Variants in THADA observed in about 807,000 individuals in gnomAD.
THADA encodes the protein THADA armadillo repeat containing, also known as tRNA (32-2'-O)-methyltransferase regulator THADA.
THADA carries 213 observed loss-of-function variants against 219.8 expected under a neutral mutation model. That is an observed-to-expected ratio of 0.97 (90% confidence interval 0.87 to 1.09). THADA has a LOEUF of 1.09. THADA is among the 50% of genes least tolerant of loss of function. The pLI is 0.00. For missense variants in THADA, 2,956 were observed against 2,311.3 expected (o/e 1.28, Z -5.72); for synonymous variants, 1,018 against 828.9 (o/e 1.23, Z -3.92).
intron 25 of THADA, among the ~76,000 whole-genome samples, chr2:43,491,139 T>A (rs1374144275): frequency 1.3e-5 from 2 of 152,128 alleles, no homozygotes; most frequent in Admixed American, 6.5e-5. Context: ...TCTGTTCCCA[T>A]CCACTATAAA....
chr2:43,544,628 TTTG>T (rs1695778691), intron 20 of THADA, among the ~76,000 whole-genome samples: 1 of 151,266 alleles, frequency 6.6e-6, no homozygotes, highest in Non-Finnish European at 1.5e-5. Context: ...TTTTATTCTC[TTTG>T]AAGCAATTGT....
chr2:43,232,171 CTTTTCTTT>C (rs1667508683), intron 37 of THADA, among the ~76,000 whole-genome samples: 1 of 149,274 alleles, frequency 6.7e-6, no homozygotes, highest in South Asian at 2.1e-4. Flanking sequence ...TTCTTTTTTT[CTTTTCTTT>C]TCTTTTCTTT....
At chr2:43,501,023 GGGCCAGGCATGGT>G (rs777411213) in intron 24 of THADA, among the ~76,000 whole-genome samples, 243 of 151,752 alleles carry the variant, frequency 1.6e-3, no homozygotes, top group Non-Finnish European at 2.2e-3. Flanking sequence ...AGACGTTTAT[GGGCCAGGCATGGT>G]GGCTCAAGCC....
intron 31 of THADA, among the ~76,000 whole-genome samples, chr2:43,301,372 G>A (rs1427093784): frequency 6.6e-6 from 1 of 152,210 alleles, no homozygotes; most frequent in African/African-American, 2.4e-5. Flanking sequence ...TGGCAGGCAG[G>A]CCAGCCACCT....
At chr2:43,499,912 A>G (rs1000209341) in intron 24 of THADA, among the ~76,000 whole-genome samples, 2 of 152,182 alleles carry the variant, frequency 1.3e-5, no homozygotes, top group Non-Finnish European at 2.9e-5. Flanking sequence ...CTTGAAACAC[A>G]GAAAGAAAAT....
intron 28 of THADA, among the ~76,000 whole-genome samples, chr2:43,427,661 A>G (rs1321972552): frequency 1.0e-4 from 15 of 149,074 alleles, no homozygotes; most frequent in Admixed American, 1.0e-3. Flanking sequence ...CATATATAAA[A>G]AAATATATAA....
intron 28 of THADA, among the ~76,000 whole-genome samples, chr2:43,400,887 G>C (rs1573470386): frequency 6.6e-6 from 1 of 152,160 alleles, no homozygotes; most frequent in Non-Finnish European, 1.5e-5. Context: ...GTTTTAAAAA[G>C]GTAAGACAAC....
At chr2:43,451,735 C>T (rs1682365457) in intron 26 of THADA, among the ~76,000 whole-genome samples, 1 of 152,226 alleles carries the variant, frequency 6.6e-6, no homozygotes, top group South Asian at 2.1e-4. Context: ...AAGAGCATCA[C>T]ATAACCTTAG....
chr2:43,471,118 T>C (rs948550473), intron 26 of THADA, among the ~76,000 whole-genome samples: 3 of 152,164 alleles, frequency 2.0e-5, no homozygotes, highest in Non-Finnish European at 2.9e-5. Context: ...TAAGTAAATA[T>C]ACCAAAAATT....
chr2:43,366,413 G>A (rs979252051), intron 29 of THADA, among the ~76,000 whole-genome samples: 1 of 152,098 alleles, frequency 6.6e-6, no homozygotes, highest in Admixed American at 6.5e-5. Flanking sequence ...CAGATAAAGA[G>A]GTCAGAGTGA....
intron 36 of THADA, among the ~76,000 whole-genome samples, chr2:43,245,915 C>G (rs775883719): frequency 1.6e-4 from 24 of 152,050 alleles, no homozygotes; most frequent in Non-Finnish European, 3.2e-4. Context: ...CAGCTTTATG[C>G]AGAATCCAGA....
rs1355371710 is a variant in THADA at position 43,514,684 on chromosome 2, T to TTATATATAA, written c.3375-5913_3375-5905dup. On this transcript the variant is annotated intron_variant, in intron 22 of 37. Transcript: ENST00000405975. ...ATATAATAATATATAATATATTATA[T>TTATATATAA]TATATATAATATATATAATATATAT... Among the ~76,000 whole-genome samples the TTATATATAA allele has an allele frequency of 1.8e-4, 15 of 84,152 alleles. 2 individuals are homozygous for TTATATATAA. The South Asian group carries it at 4.4e-3, about 25-fold the overall frequency. The allele number at this position is 84,152 out of a possible 152,430, so 55.2% of individuals were successfully genotyped here. A position where few individuals can be genotyped will look rare whatever the true frequency, so the allele number is the denominator to read the frequency against.
At chr2:43,568,979 AT>A (rs1474375450) in intron 14 of THADA, among the ~76,000 whole-genome samples, 2 of 152,074 alleles carry the variant, frequency 1.3e-5, no homozygotes, top group East Asian at 3.9e-4. Context: ...TTATTTATTA[AT>A]TTTTTTGAAG....
At chr2:43,294,078 C>G (rs1675070396) in intron 31 of THADA, among the ~76,000 whole-genome samples, 1 of 152,208 alleles carries the variant, frequency 6.6e-6, no homozygotes, top group Admixed American at 6.5e-5. Context: ...GTACTCAGTA[C>G]TTAAGCCAAG....
intron 13 of THADA, among the ~76,000 whole-genome samples, chr2:43,571,010 C>T (rs915199552): frequency 7.2e-4 from 110 of 152,290 alleles, no homozygotes; most frequent in African/African-American, 2.5e-3. Context: ...AACCACAACA[C>T]TTTGGGAGGC....
chr2:43,356,623 C>T (rs1175922359), intron 29 of THADA, among the ~76,000 whole-genome samples: 1 of 152,088 alleles, frequency 6.6e-6, no homozygotes, highest in Non-Finnish European at 1.5e-5. Flanking sequence ...TTCAAAGCAC[C>T]TTTAGTACCT....
chr2:43,533,240 C>G (rs1031719882), intron 21 of THADA, among the ~76,000 whole-genome samples: 2 of 152,178 alleles, frequency 1.3e-5, no homozygotes, highest in African/African-American at 4.8e-5. Flanking sequence ...CTGGAAACAA[C>G]AGATGCTGGA....
At chr2:43,592,729 T>C (rs1016875259) in intron 1 of THADA, 2 of 185,130 alleles carry the variant, frequency 1.1e-5, no homozygotes, top group African/African-American at 4.7e-5. Context: ...TGAAGTTATT[T>C]TACCTACTAT....
intron 29 of THADA, among the ~76,000 whole-genome samples, chr2:43,359,041 C>G (rs1341669119): frequency 1.3e-5 from 2 of 152,134 alleles, no homozygotes; most frequent in Non-Finnish European, 2.9e-5. Context: ...TCATTTGCCA[C>G]TCAAAATCTC....
Sources: allele counts gnomAD v4.1 joint callset (sites outside exome capture counted in the v4.1 genomes callset), GRCh38; gene constraint gnomAD v4.1.1; transcripts MANE v1.5; gene names NCBI Gene and HGNC (gene_info 2026-07-23, HGNC 2026-07-21).